GNPAT: variants seen among roughly 807,000 people sequenced by gnomAD.
GNPAT encodes dihydroxyacetone phosphate acyltransferase.
A neutral mutation model predicts 78.4 loss-of-function variants in GNPAT; 30 were observed. The observed-to-expected ratio is 0.38, with a 90% CI of 0.29 to 0.52. The LOEUF (loss-of-function observed/expected upper bound fraction) is 0.52. Among genes scored for constraint, GNPAT ranks in the 20% least tolerant of loss-of-function variants. The probability of loss-of-function intolerance (pLI) is 0.84; values close to 1 mark genes in which losing one functional copy is unlikely to be tolerated. For synonymous variants in GNPAT, 271 were observed against 281.1 expected (o/e 0.96, Z 0.36); for missense variants, 714 against 812.2 (o/e 0.88, Z 1.47).
Position 231,276,191 on chromosome 1 carries a change from T to G in GNPAT, c.1994T>G (p.Met665Arg). 7.0e-7 allele frequency: 1 copy of G among 1,427,592 alleles called. No individual in the cohort carries two copies. The highest frequency in any genetic ancestry group is 9.9e-7 in the Non-Finnish European group (1 of 1,011,372). The allele number at this position is 1,427,592 out of a possible 1,614,324, so 88.4% of individuals were successfully genotyped here. ...CCTGCCACAACCAAATTAGAAGAAA[T>G]GCTTGGTAAGTGCAGTTTAATAAAA... is the stretch of plus-strand genomic sequence containing the variant. ...NEPATTKLEE[M>R]LGCKTPIGKP... The change falls in exon 15 of 16, where the codon ATG (methionine) becomes AGG (arginine). Residue 665 changes from methionine to arginine, a missense_variant. Met to Arg is a moderately conservative substitution (Grantham distance 91, BLOSUM62 -1). Coordinates refer to ENST00000366647, the MANE Select transcript of GNPAT (RefSeq NM_014236.4).
chr1:231,245,049 C>G (rs1684712300), intron 1 of GNPAT, among the ~76,000 whole-genome samples: 1 of 152,156 alleles, frequency 6.6e-6, no homozygotes, highest in Admixed American at 6.6e-5. Flanking sequence ...CTCATAGTCC[C>G]TTCTGTGTGG....
At chr1:231,265,505 A>T in intron 5 of GNPAT, 85 bp downstream of exon 5, 1 of 1,187,816 alleles carries the variant, frequency 8.4e-7, no homozygotes, top group Non-Finnish European at 1.3e-6. Context: ...TTCTGAATAG[A>T]ACACTTAGCT....
intron 2 of GNPAT, among the ~76,000 whole-genome samples, chr1:231,258,809 T>C (rs1241582913): frequency 1.3e-5 from 2 of 151,228 alleles, no homozygotes; most frequent in East Asian, 1.9e-4. Flanking sequence ...TTTTTTTTTT[T>C]CTATTCTTTA....
At chr1:231,254,181 G>T (rs974525246) in intron 2 of GNPAT, among the ~76,000 whole-genome samples, 1 of 152,120 alleles carries the variant, frequency 6.6e-6, no homozygotes, top group Non-Finnish European at 1.5e-5. Flanking sequence ...CAATTTAAAA[G>T]ATCTTATTCA....
intron 1 of GNPAT, among the ~76,000 whole-genome samples, chr1:231,249,036 A>G (rs1281689155): frequency 6.6e-6 from 1 of 152,248 alleles, no homozygotes; most frequent in Non-Finnish European, 1.5e-5. Context: ...GTATACATAT[A>G]TCCCCAGCTG....
chr1:231,265,499 G>C, intron 5 of GNPAT, 79 bp downstream of exon 5: 1 of 1,227,474 alleles, frequency 8.1e-7, no homozygotes, highest in Non-Finnish European at 1.2e-6. Flanking sequence ...CTTAACTTCT[G>C]AATAGAACAC....
At chr1:231,248,530 C>A (rs535738148) in intron 1 of GNPAT, among the ~76,000 whole-genome samples, 33 of 151,618 alleles carry the variant, frequency 2.2e-4, no homozygotes, top group African/African-American at 8.0e-4. Flanking sequence ...GAGTTTCAGA[C>A]CAGCTTGGGC....
At chr1:231,257,837 C>G (rs745519523) in intron 2 of GNPAT, among the ~76,000 whole-genome samples, 67 of 152,302 alleles carry the variant, frequency 4.4e-4, no homozygotes, top group African/African-American at 1.4e-3. Context: ...ATCTGTATAG[C>G]TAACTAATTC....
chr1:231,253,343 ATTTG>A (rs1236165106), intron 2 of GNPAT, among the ~76,000 whole-genome samples: 1 of 152,134 alleles, frequency 6.6e-6, no homozygotes, highest in Non-Finnish European at 1.5e-5. Context: ...GTTATACCAT[ATTTG>A]TTCTGCAACT....
At chr1:231,269,881 G>A (rs1685509508) in intron 9 of GNPAT, 1 of 152,018 alleles carries the variant, frequency 6.6e-6, no homozygotes, top group Admixed American at 6.6e-5. Context: ...ACATTCCTAA[G>A]CATGTTCATA....
At chr1:231,255,895 G>A (rs1685041849) in intron 2 of GNPAT, among the ~76,000 whole-genome samples, 1 of 152,156 alleles carries the variant, frequency 6.6e-6, no homozygotes, top group Admixed American at 6.5e-5. Flanking sequence ...AGCTGTAATA[G>A]TCGTTGGCTC....
intron 3 of GNPAT, among the ~76,000 whole-genome samples, chr1:231,261,417 C>T (rs890208030): frequency 6.6e-6 from 1 of 150,570 alleles, no homozygotes; most frequent in Non-Finnish European, 1.5e-5. Context: ...GTATTGGGCT[C>T]GGGTTGTGTA....
At chr1:231,257,454 C>T (rs1469262393) in intron 2 of GNPAT, among the ~76,000 whole-genome samples, 4 of 152,166 alleles carry the variant, frequency 2.6e-5, no homozygotes, top group Non-Finnish European at 5.9e-5. Context: ...TTCATCTCCA[C>T]GTTGTCTTTT....
chr1:231,250,431 C>T (rs1034393931), intron 1 of GNPAT, among the ~76,000 whole-genome samples: 2 of 151,958 alleles, frequency 1.3e-5, no homozygotes, highest in East Asian at 1.9e-4. Flanking sequence ...GCTCTTGTCT[C>T]GAAAAGAAGA....
At chr1:231,258,831 G>C (rs1685140585) in intron 2 of GNPAT, among the ~76,000 whole-genome samples, 1 of 151,046 alleles carries the variant, frequency 6.6e-6, no homozygotes, top group African/African-American at 2.4e-5. Flanking sequence ...TAGAGACGGG[G>C]TTTCACCGTG....
At chr1:231,250,890 C>A in intron 1 of GNPAT, 71 bp from the exon 2 acceptor site, 1 of 974,062 alleles carries the variant, frequency 1.0e-6, no homozygotes, top group Non-Finnish European at 1.7e-6. Context: ...TGAAACCTTA[C>A]CAATGTAGTC....
At chr1:231,262,127 C>A (rs1199298407) in intron 3 of GNPAT, among the ~76,000 whole-genome samples, 1 of 152,194 alleles carries the variant, frequency 6.6e-6, no homozygotes, top group Non-Finnish European at 1.5e-5. Context: ...TTATCCCTCC[C>A]AGCCACATGA....
intron 1 of GNPAT, among the ~76,000 whole-genome samples, chr1:231,242,193 C>T (rs1684631065): frequency 6.6e-6 from 1 of 152,142 alleles, no homozygotes; most frequent in Non-Finnish European, 1.5e-5. Context: ...CAGGATTGCA[C>T]AGACCTGGGG....
chr1:231,250,839 T>C lies in GNPAT; in HGVS notation c.79-122T>C, dbSNP rs1684875188. On this transcript the variant is annotated intron_variant, in intron 1 of 15. Transcript: ENST00000366647. Reference sequence around the variant, plus strand: ...ATATGAAAATCTAACATCAGAACACTCTGCTCCTGTTCACGTCATAGAGTA... The same window carrying C: ...ATATGAAAATCTAACATCAGAACACCCTGCTCCTGTTCACGTCATAGAGTA... The C allele has an allele frequency of 4.3e-6, 3 of 703,492 alleles. No homozygotes were observed. The East Asian group carries it at 8.0e-5, about 19-fold the overall frequency. 43.6% of individuals were successfully genotyped at this position (703,492 alleles called of 1,614,324 possible). A position where few individuals can be genotyped will look rare whatever the true frequency, so the allele number is the denominator to read the frequency against.
Sources: gnomAD v4.1 joint callset for allele counts (sites outside exome capture counted in the v4.1 genomes callset) on GRCh38, gnomAD v4.1.1 for gene constraint, MANE v1.5 for transcripts, NCBI Gene and HGNC (gene_info 2026-07-23, HGNC 2026-07-21) for gene names.